PKNOX2: variants seen among roughly 807,000 people sequenced by gnomAD.
PKNOX2 encodes PBX/knotted 1 homeobox 2.
PKNOX2 carries 14 observed loss-of-function variants against 53.1 expected under a neutral mutation model. The ratio of observed to expected loss-of-function variants is 0.26; its 90% CI spans 0.17 to 0.41. The LOEUF (loss-of-function observed/expected upper bound fraction) is 0.41. PKNOX2 is among the 10% of genes least tolerant of loss of function. PKNOX2 has a pLI of 1.00. For missense variants in PKNOX2, 496 were observed against 602.8 expected (o/e 0.82, Z 1.85); for synonymous variants, 257 against 242.8 (o/e 1.06, Z -0.54).
At chr11:125,274,692 C>T (rs530612639) in intron 2 of PKNOX2, among the ~76,000 whole-genome samples, 1 of 152,090 alleles carries the variant, frequency 6.6e-6, no homozygotes, top group Non-Finnish European at 1.5e-5. Flanking sequence ...TGGGCCATGG[C>T]CTTTGTCTAC....
In PKNOX2 at chr11:125,352,555, T is replaced by C. The variant is rs1383883170; in HGVS notation, c.87+1163T>C. ...AGGCTTGTGCTCACTATGGCCCTGATGCCTCCAGCCTAGTGGGAGCATGTA... is the reference window on the plus strand; with the variant it reads ...AGGCTTGTGCTCACTATGGCCCTGACGCCTCCAGCCTAGTGGGAGCATGTA... On this transcript the variant is annotated intron_variant, in intron 4 of 12. Coordinates refer to ENST00000298282, the MANE Select transcript of PKNOX2 (RefSeq NM_001382323.2). The surrounding 1 kb of genome is among the most constrained non-coding windows in gnomAD (Gnocchi z 4.1). Among the ~76,000 whole-genome samples, 1 of 152,208 alleles carries C rather than the reference T, an allele frequency of 6.6e-6. No individual in the cohort carries two copies. Among genetic ancestry groups the C allele is most frequent in the African/African-American group, 2.4e-5 (1 of 41,456 alleles).
intron 4 of PKNOX2, among the ~76,000 whole-genome samples, chr11:125,365,317 C>A (rs1444865477): frequency 6.6e-6 from 1 of 152,096 alleles, no homozygotes; most frequent in African/African-American, 2.4e-5. Flanking sequence ...ATGCTGTGAG[C>A]AATGCCTCTG....
chr11:125,262,888 T>A (rs1382789479), intron 2 of PKNOX2, among the ~76,000 whole-genome samples: 1 of 152,184 alleles, frequency 6.6e-6, no homozygotes, highest in Non-Finnish European at 1.5e-5. Flanking sequence ...TGTCCCTCTT[T>A]CTATTTCTAT....
intron 2 of PKNOX2, among the ~76,000 whole-genome samples, chr11:125,244,910 C>T (rs566425672): frequency 5.3e-5 from 8 of 152,200 alleles, no homozygotes; most frequent in Admixed American, 2.6e-4. Context: ...CAGGAGACCA[C>T]GTGGTGGGTG....
Position 125,334,773 on chromosome 11 carries a change from A to ATT in PKNOX2, c.-23+2858_-23+2859dup, listed in dbSNP as rs112661411. On this transcript the variant is annotated intron_variant, in intron 3 of 12. Coordinates refer to ENST00000298282, the MANE Select transcript of PKNOX2 (RefSeq NM_001382323.2). Reference sequence around the variant, plus strand: ...ACCTCCATGCTGGACTGATTTTTGTATTTTTTTTTTTAAAGAGATAGTGTT... The same window carrying ATT: ...ACCTCCATGCTGGACTGATTTTTGTATTTTTTTTTTTTTAAAGAGATAGTGTT... 2.9e-3 allele frequency among the ~76,000 whole-genome samples: 416 copies of ATT among 145,214 alleles called. 5 individuals are homozygous for ATT. The highest frequency in any genetic ancestry group is 0.01 in the African/African-American group (403 of 39,858).
At chr11:125,380,961 G>A (rs1374039652) in intron 5 of PKNOX2, among the ~76,000 whole-genome samples, 1 of 152,200 alleles carries the variant, frequency 6.6e-6, no homozygotes, top group African/African-American at 2.4e-5. Flanking sequence ...ACCTGGGGAA[G>A]GGGAGGTGAC....
chr11:125,242,977 C>A (rs1020445975), intron 2 of PKNOX2, among the ~76,000 whole-genome samples: 8 of 152,146 alleles, frequency 5.3e-5, no homozygotes, highest in Non-Finnish European at 1.0e-4. Flanking sequence ...ATTTACTTAG[C>A]TGGGAACTTG....
In PKNOX2 at chr11:125,192,438, C is replaced by A. The variant is rs146240275; in HGVS notation, c.-201+27662C>A. Among the ~76,000 whole-genome samples the A allele has an allele frequency of 5.2e-3, 799 of 152,286 alleles. 6 individuals carry two copies. Among genetic ancestry groups the A allele is most frequent in the African/African-American group, 0.018 (729 of 41,556 alleles). ...TGGGGAAAGCTGGGCCAGCGTCCAT[C>A]CTGTGTCCTGCTGGCGGGAATTCAT... On this transcript the variant is annotated intron_variant, in intron 1 of 12. Coordinates refer to ENST00000298282, the MANE Select transcript of PKNOX2 (RefSeq NM_001382323.2).
At chr11:125,175,065 C>T (rs1448924995) in intron 1 of PKNOX2, among the ~76,000 whole-genome samples, 1 of 152,186 alleles carries the variant, frequency 6.6e-6, no homozygotes, top group African/African-American at 2.4e-5. Flanking sequence ...AAGTCACCTC[C>T]ATTCATGAGA....
At chr11:125,354,132 A>G (rs1358941104) in intron 4 of PKNOX2, among the ~76,000 whole-genome samples, 2 of 152,120 alleles carry the variant, frequency 1.3e-5, no homozygotes, top group African/African-American at 4.8e-5. Context: ...TGGACCCCTG[A>G]CTTCTTCCCT....
At chr11:125,292,239 T>G (rs548897075) in intron 2 of PKNOX2, among the ~76,000 whole-genome samples, 34 of 152,350 alleles carry the variant, frequency 2.2e-4, no homozygotes, top group African/African-American at 6.5e-4. Flanking sequence ...TGTTTCATTT[T>G]TGTTTTTATT....
chr11:125,294,807 GA>G (rs1947545301), intron 2 of PKNOX2, among the ~76,000 whole-genome samples: 1 of 152,190 alleles, frequency 6.6e-6, no homozygotes, highest in African/African-American at 2.4e-5. Context: ...TACATGAGAT[GA>G]AAAACAGCAC....
rs141389946 is a variant in PKNOX2, at chr11:125,177,367, C to T, written c.-201+12591C>T. ...CAAGGGCTATAAATCCACGATTACACGGATGTGAAAAGGAAAGCCAGTGGC... is the reference window on the plus strand; with the variant it reads ...CAAGGGCTATAAATCCACGATTACATGGATGTGAAAAGGAAAGCCAGTGGC... On this transcript the variant is annotated intron_variant, in intron 1 of 12. Coordinates refer to ENST00000298282, the MANE Select transcript of PKNOX2 (RefSeq NM_001382323.2). Among the ~76,000 whole-genome samples the T allele has an allele frequency of 5.4e-3, 817 of 152,262 alleles. 6 individuals carry two copies. Among genetic ancestry groups the T allele is most frequent in the African/African-American group, 0.018 (746 of 41,538 alleles).
chr11:125,326,155 G>A (rs1335428880), intron 2 of PKNOX2, among the ~76,000 whole-genome samples: 2 of 152,198 alleles, frequency 1.3e-5, no homozygotes, highest in Non-Finnish European at 2.9e-5. Flanking sequence ...TGATGACATC[G>A]AGGGGAGATT....
intron 5 of PKNOX2, among the ~76,000 whole-genome samples, chr11:125,373,954 C>A (rs1469310104): frequency 6.6e-6 from 1 of 152,092 alleles, no homozygotes; most frequent in Non-Finnish European, 1.5e-5. Flanking sequence ...CGCTACCAAT[C>A]CTGGGGCTGG....
chr11:125,269,805 C>G (rs1945648846), intron 2 of PKNOX2, among the ~76,000 whole-genome samples: 1 of 152,184 alleles, frequency 6.6e-6, no homozygotes, highest in Non-Finnish European at 1.5e-5. Flanking sequence ...TTTGGTACAT[C>G]CTCACGGGGT....
chr11:125,431,742 C>T lies in PKNOX2; in HGVS notation c.*350C>T. On this transcript the variant is annotated 3_prime_UTR_variant, in exon 13 of 13. Coordinates refer to ENST00000298282, the MANE Select transcript of PKNOX2 (RefSeq NM_001382323.2). ...CGGAAGGACTTGAGTTGTTTACAAG[C>T]CCTGCACTGAGGCAGATTGGTGCTG... 1 of 272,610 alleles carries T rather than the reference C, an allele frequency of 3.7e-6. No individual in the cohort carries two copies. The highest frequency in any genetic ancestry group is 7.0e-6 in the Non-Finnish European group (1 of 142,122). The allele number at this position is 272,610 out of a possible 1,614,324, so 16.9% of individuals were successfully genotyped here. A position where few individuals can be genotyped will look rare whatever the true frequency, so the allele number is the denominator to read the frequency against.
chr11:125,401,585 GCCTTC>G (rs1954752592), intron 7 of PKNOX2, among the ~76,000 whole-genome samples: 4 of 152,164 alleles, frequency 2.6e-5, no homozygotes, highest in Non-Finnish European at 5.9e-5. Flanking sequence ...CGTCTCTTAA[GCCTTC>G]CCAGGACAGG....
chr11:125,400,332 A>G (rs1954669134), intron 7 of PKNOX2, among the ~76,000 whole-genome samples: 1 of 152,212 alleles, frequency 6.6e-6, no homozygotes, highest in Non-Finnish European at 1.5e-5. Flanking sequence ...AGGCTATGAC[A>G]GGAGCTTCCT....
Sources: allele counts gnomAD v4.1 joint callset (sites outside exome capture counted in the v4.1 genomes callset), GRCh38; gene constraint gnomAD v4.1.1; non-coding constraint Gnocchi (gnomAD v3.1); transcripts MANE v1.5; gene names NCBI Gene and HGNC (gene_info 2026-07-23, HGNC 2026-07-21).